The following INPP4B variants were observed in gnomAD, a reference collection of about 807,000 sequenced individuals.
The protein encoded by INPP4B is inositol polyphosphate 4-phosphatase type II.
In INPP4B, 55 loss-of-function variants were observed where a neutral mutation model predicts 122.5. The observed-to-expected ratio is 0.45, with a 90% CI of 0.36 to 0.56. The LOEUF is 0.56. Among genes scored for constraint, INPP4B ranks in the 20% least tolerant of loss-of-function variants. INPP4B has a pLI of 0.00. For missense variants in INPP4B, 1,000 were observed against 1,097.7 expected, an observed-to-expected ratio of 0.91 and a Z score of 1.26; for synonymous variants, 403 against 388.7, an observed-to-expected ratio of 1.04 and a Z score of -0.43.
At chr4:142,192,333 TAAA>T (rs71586265) in intron 15 of INPP4B, among the ~76,000 whole-genome samples, 7 of 8,954 alleles carry the variant, frequency 7.8e-4, no homozygotes, top group Non-Finnish European at 1.9e-3. Context: ...AATCTAAAAG[TAAA>T]AAAAAAAAAA....
chr4:142,193,493 C>G (rs1836873229), intron 14 of INPP4B, among the ~76,000 whole-genome samples: 2 of 152,112 alleles, frequency 1.3e-5, no homozygotes, highest in Non-Finnish European at 2.9e-5. Context: ...ACTGAGATAA[C>G]ATGTTAATTG....
intron 7 of INPP4B, among the ~76,000 whole-genome samples, chr4:142,359,225 C>CAA (rs36016956): frequency 2.1e-5 from 3 of 143,746 alleles, no homozygotes; most frequent in African/African-American, 5.0e-5. Flanking sequence ...AACAAACAAA[C>CAA]AAAAAAAAAA....
intron 25 of INPP4B, among the ~76,000 whole-genome samples, chr4:142,062,206 A>T (rs1207352439): frequency 6.6e-6 from 1 of 151,980 alleles, no homozygotes; most frequent in East Asian, 1.9e-4. Flanking sequence ...CACCAAGGGA[A>T]CATCCTATGG....
At chr4:142,210,180 C>G (rs1844311824) in intron 12 of INPP4B, among the ~76,000 whole-genome samples, 1 of 152,096 alleles carries the variant, frequency 6.6e-6, no homozygotes, top group African/African-American at 2.4e-5. Flanking sequence ...ATGCTAAATA[C>G]CAAGCTAATA....
chr4:142,178,835 A>C lies in INPP4B; in HGVS notation c.1182-5026T>G, dbSNP rs1359485755. On this transcript the variant is annotated intron_variant, in intron 15 of 25. Coordinates refer to ENST00000262992, the MANE Select transcript of INPP4B (RefSeq NM_001101669.3). The stretch of plus-strand genomic sequence containing the variant: ...TTTTCTAGCTCAAACCCTACTTGTA[A>C]AAAAAAAAAAAAAAATGTGGTCTCT... 3.5e-3 allele frequency among the ~76,000 whole-genome samples: 427 copies of C among 120,970 alleles called. 1 individual carries two copies. Among genetic ancestry groups the C allele is most frequent in the African/African-American group, 0.016 (394 of 25,352 alleles). The allele number at this position is 120,970 out of a possible 152,430, so 79.4% of individuals were successfully genotyped here.
At chr4:142,205,097 GTCC>G (rs1842126532) in intron 14 of INPP4B, among the ~76,000 whole-genome samples, 1 of 151,904 alleles carries the variant, frequency 6.6e-6, no homozygotes, top group East Asian at 1.9e-4. Flanking sequence ...TAAACATATT[GTCC>G]TCATCCTATT....
chr4:142,694,115 G>A (rs1760649701), intron 2 of INPP4B, among the ~76,000 whole-genome samples: 1 of 152,138 alleles, frequency 6.6e-6, no homozygotes, highest in Admixed American at 6.5e-5. Flanking sequence ...GCTCACACCT[G>A]TAATCCCAGC....
intron 7 of INPP4B, among the ~76,000 whole-genome samples, chr4:142,370,679 C>A (rs1011351060): frequency 6.6e-6 from 1 of 151,854 alleles, no homozygotes; most frequent in African/African-American, 2.4e-5. Flanking sequence ...AGAAAGCAAT[C>A]CCATTTACAA....
intron 11 of INPP4B, among the ~76,000 whole-genome samples, chr4:142,238,793 T>A (rs562134043): frequency 1.3e-5 from 2 of 152,238 alleles, no homozygotes; most frequent in East Asian, 3.9e-4. Flanking sequence ...CATTTGATAC[T>A]TATTAGTGAA....
At chr4:142,397,294 C>T (rs1799660290) in intron 7 of INPP4B, among the ~76,000 whole-genome samples, 1 of 151,990 alleles carries the variant, frequency 6.6e-6, no homozygotes, top group Non-Finnish European at 1.5e-5. Flanking sequence ...CCACGTAGTA[C>T]ACATTTTAAA....
intron 2 of INPP4B, among the ~76,000 whole-genome samples, chr4:142,551,146 G>T (rs1306777435): frequency 6.6e-6 from 1 of 152,134 alleles, no homozygotes; most frequent in Non-Finnish European, 1.5e-5. Context: ...TTTTATGGCT[G>T]CCCAGCAAGC....
intron 2 of INPP4B, among the ~76,000 whole-genome samples, chr4:142,511,262 G>A (rs1025753628): frequency 1.3e-5 from 2 of 151,968 alleles, no homozygotes; most frequent in Non-Finnish European, 2.9e-5. Context: ...GACATTAGGT[G>A]TAACTTCAGT....
intron 2 of INPP4B, among the ~76,000 whole-genome samples, chr4:142,574,366 A>G (rs1356028326): frequency 6.6e-6 from 1 of 151,364 alleles, no homozygotes. Flanking sequence ...AAAATCCCTC[A>G]CTCCCTCCAA....
rs1491262489 is a variant in INPP4B, at chr4:142,367,188, A to ATATGTG, written c.372+35749_372+35750insCACATA. Among the ~76,000 whole-genome samples, 3 of 132,728 alleles carry ATATGTG rather than the reference A, an allele frequency of 2.3e-5. No individual in the cohort carries two copies. In the East Asian group the frequency reaches 7.9e-4, roughly 35 times the overall value. 87.1% of individuals were successfully genotyped at this position (132,728 alleles called of 152,430 possible). Reference sequence around the variant, plus strand: ...AATAGTGTGTATGTATACATGTAATATGTGTGTGTGTGTGTGTGTGTGTGT... The same window carrying ATATGTG: ...AATAGTGTGTATGTATACATGTAATATATGTGTGTGTGTGTGTGTGTGTGTGTGTGT... On this transcript the variant is annotated intron_variant, in intron 7 of 25. Transcript: ENST00000262992.
At chr4:142,197,098 C>G (rs1277518615) in intron 14 of INPP4B, among the ~76,000 whole-genome samples, 1 of 105,080 alleles carries the variant, frequency 9.5e-6, no homozygotes, top group Non-Finnish European at 1.8e-5. Flanking sequence ...TGCACTCCAG[C>G]CTGGGCAATA....
At chr4:142,459,760 G>A (rs778422009) in intron 3 of INPP4B, among the ~76,000 whole-genome samples, 14 of 152,122 alleles carry the variant, frequency 9.2e-5, no homozygotes, top group Non-Finnish European at 1.8e-4. Context: ...TCCTAGCACT[G>A]TTAGTTCATA....
chr4:142,286,903 G>T (rs1450581039), intron 9 of INPP4B: 1 of 152,194 alleles, frequency 6.6e-6, no homozygotes, highest in Non-Finnish European at 1.5e-5. Flanking sequence ...AGACAATTGT[G>T]ATGGTTTGGT....
At chr4:142,085,750 A>C (rs887709009) in intron 24 of INPP4B, among the ~76,000 whole-genome samples, 1 of 152,250 alleles carries the variant, frequency 6.6e-6, no homozygotes, top group Non-Finnish European at 1.5e-5. Flanking sequence ...CAGGAGCCTT[A>C]CTGAAGCTGT....
chr4:142,157,896 T>C lies in INPP4B; in HGVS notation c.1563+2462A>G, dbSNP rs1200663304. Among the ~76,000 whole-genome samples, 3 of 152,088 alleles carry C rather than the reference T, an allele frequency of 2.0e-5. No homozygotes were observed. In the East Asian group the frequency reaches 5.8e-4, roughly 30 times the overall value. ...CCCGTCTTTTTCTCTTAGCACATGG[T>C]TCTACTTTATGGATAAAAGCAGCCA... On this transcript the variant is annotated intron_variant, in intron 17 of 25. Transcript: ENST00000262992.
Sources: gnomAD v4.1 joint callset for allele counts (sites outside exome capture counted in the v4.1 genomes callset) on GRCh38, gnomAD v4.1.1 for gene constraint, MANE v1.5 for transcripts, NCBI Gene and HGNC (gene_info 2026-07-23, HGNC 2026-07-21) for gene names.